Variants in MAST4 observed in about 807,000 individuals in gnomAD.
MAST4 encodes microtubule associated serine/threonine kinase family member 4.
In MAST4, 89 loss-of-function variants were observed where a neutral mutation model predicts 162.7. The observed-to-expected ratio is 0.55, with a 90% CI of 0.46 to 0.65. MAST4 has a LOEUF of 0.65. Ranked by LOEUF, MAST4 falls within the 30% of genes least tolerant of loss-of-function variation. The probability of loss-of-function intolerance (pLI) is 0.00; values close to 1 mark genes in which losing one functional copy is unlikely to be tolerated. For synonymous variants in MAST4, 1,479 were observed against 1,361.1 expected (o/e 1.09, Z -1.91); for missense variants, 3,153 against 3,374.0 (o/e 0.93, Z 1.62).
intron 3 of MAST4, among the ~76,000 whole-genome samples, chr5:66,831,454 T>C (rs1757590465): frequency 6.6e-6 from 1 of 152,226 alleles, no homozygotes. Flanking sequence ...TTTACAATAA[T>C]GTATTATGTG....
chr5:66,774,209 G>C (rs1029807001), intron 2 of MAST4, among the ~76,000 whole-genome samples: 2 of 152,236 alleles, frequency 1.3e-5, no homozygotes, highest in African/African-American at 4.8e-5. Flanking sequence ...AGATTGGTCT[G>C]ATAAATTTGA....
At chr5:66,987,769 A>T (rs1191648805) in intron 4 of MAST4, among the ~76,000 whole-genome samples, 2 of 152,194 alleles carry the variant, frequency 1.3e-5, no homozygotes, top group Non-Finnish European at 2.9e-5. Context: ...TCCTAGTTTT[A>T]GGGATGATTA....
At chr5:66,690,529 C>T (rs13164205) in intron 1 of MAST4, among the ~76,000 whole-genome samples, 16,829 of 152,198 alleles carry the variant, frequency 0.11, 1,017 homozygotes, top group Admixed American at 0.16. Context: ...AGATTTTCAA[C>T]TCCCTTTTCT....
chr5:66,938,753 C>T (rs1019802887), intron 4 of MAST4, among the ~76,000 whole-genome samples: 1 of 152,098 alleles, frequency 6.6e-6, no homozygotes, highest in African/African-American at 2.4e-5. Context: ...TCAGTAGGCA[C>T]AAGATTGGTT....
chr5:66,837,894 A>ATATATATT (rs1554057455), intron 3 of MAST4, among the ~76,000 whole-genome samples: 2 of 53,710 alleles, frequency 3.7e-5, no homozygotes, highest in African/African-American at 1.0e-4. Flanking sequence ...ATATATATAT[A>ATATATATT]TTTTTTTTTT....
chr5:66,679,767 ATGCTTTGCATATG>A (rs1435254600), intron 1 of MAST4, among the ~76,000 whole-genome samples: 3 of 151,788 alleles, frequency 2.0e-5, no homozygotes, highest in Admixed American at 2.0e-4. Flanking sequence ...CTGAGCATAT[ATGCTTTGCATATG>A]TCCTTCACAG....
intron 1 of MAST4, among the ~76,000 whole-genome samples, chr5:66,634,987 C>G (rs901314947): frequency 1.3e-5 from 2 of 152,222 alleles, no homozygotes; most frequent in African/African-American, 2.4e-5. Context: ...CTCTGGGATG[C>G]AGGTCCTGCC....
chr5:66,922,999 AGG>A (rs1372582641), intron 4 of MAST4, among the ~76,000 whole-genome samples: 9 of 152,318 alleles, frequency 5.9e-5, no homozygotes, highest in Non-Finnish European at 8.8e-5. Flanking sequence ...CACATTTGTT[AGG>A]GACACTGTGA....
chr5:67,090,099 T>C, intron 5 of MAST4, 63 bp from the exon 6 acceptor site: 1 of 1,105,112 alleles, frequency 9.0e-7, no homozygotes, highest in South Asian at 1.3e-5. Context: ...AAGGAGAGAA[T>C]TATTGATGTG....
At chr5:67,056,257 C>T (rs1758806940) in intron 5 of MAST4, among the ~76,000 whole-genome samples, 1 of 151,986 alleles carries the variant, frequency 6.6e-6, no homozygotes, top group Admixed American at 6.6e-5. Context: ...ACTTCTATTA[C>T]TACCATTTCT....
At position 67,163,838 on chromosome 5, in the gene MAST4, A is replaced by G. The variant is rs748706431; in HGVS notation, c.4659A>G (p.Lys1553=). The part of the protein sequence containing the change: ...GFPEKQESHQ[K]SHGPGSDLEN... Reference sequence around the variant, plus strand: ...CAGAGAAACAGGAATCCCACCAGAAATCCCATGGACCCGGGAGTGATTTGG... The same window carrying G: ...CAGAGAAACAGGAATCCCACCAGAAGTCCCATGGACCCGGGAGTGATTTGG... Residue 1553 remains lysine (K), a synonymous_variant, in exon 29 of 29, where the codon AAA becomes AAG. Coordinates refer to ENST00000403625, the MANE Select transcript of MAST4 (RefSeq NM_001164664.2). This position sits in a 1 kb window ranked among gnomAD's most constrained non-coding sequence, Gnocchi z 7.0. 5 of 1,613,706 alleles carry G rather than the reference A, an allele frequency of 3.1e-6. No individual in the cohort carries two copies. The South Asian group carries it at 5.5e-5, about 18-fold the overall frequency.
chr5:67,051,173 G>A (rs1758135658), intron 4 of MAST4, among the ~76,000 whole-genome samples: 1 of 144,826 alleles, frequency 6.9e-6, no homozygotes, highest in Non-Finnish European at 1.5e-5. Flanking sequence ...TTTCCCTTGG[G>A]TGACTTTGCT....
intron 3 of MAST4, among the ~76,000 whole-genome samples, chr5:66,872,870 T>C (rs2149878575): frequency 6.6e-6 from 1 of 152,348 alleles, no homozygotes; most frequent in African/African-American, 2.4e-5. Context: ...TTTTAAGGAC[T>C]CAGCTCAGCA....
chr5:66,808,939 T>A (rs555224524), intron 3 of MAST4, among the ~76,000 whole-genome samples: 1 of 152,186 alleles, frequency 6.6e-6, no homozygotes, highest in Non-Finnish European at 1.5e-5. Context: ...AGACTCTGAA[T>A]TGTAAGAAGC....
chr5:66,845,126 T>TATATATATATATATATATATACAC (rs1358855625), intron 3 of MAST4, among the ~76,000 whole-genome samples: 1 of 67,168 alleles, frequency 1.5e-5, no homozygotes, highest in Non-Finnish European at 2.8e-5. Context: ...TATATATATA[T>TATATATATATATATATATATACAC]ACACACACAC....
At chr5:66,819,317 CT>C (rs1328172634) in intron 3 of MAST4, among the ~76,000 whole-genome samples, 2 of 152,176 alleles carry the variant, frequency 1.3e-5, no homozygotes, top group African/African-American at 4.8e-5. Flanking sequence ...ACCTATTTGG[CT>C]GCTCAATATT....
chr5:67,029,834 T>C (rs1239621744), intron 4 of MAST4, among the ~76,000 whole-genome samples: 1 of 152,184 alleles, frequency 6.6e-6, no homozygotes, highest in Non-Finnish European at 1.5e-5. Context: ...TGCTGTTGAC[T>C]TTATAATTTG....
intron 11 of MAST4, 79 bp from the exon 12 acceptor site, chr5:67,114,008 T>G: frequency 6.5e-7 from 1 of 1,539,100 alleles, no homozygotes; most frequent in Admixed American, 1.8e-5. Context: ...AGCAGTTATA[T>G]TGTGAATGGG....
chr5:66,768,949 G>T (rs1475387838), intron 2 of MAST4, among the ~76,000 whole-genome samples: 1 of 152,094 alleles, frequency 6.6e-6, no homozygotes, highest in Non-Finnish European at 1.5e-5. Context: ...TCAGTGCATT[G>T]TGAGAGACCA....
Sources: allele counts gnomAD v4.1 joint callset (sites outside exome capture counted in the v4.1 genomes callset), GRCh38; gene constraint gnomAD v4.1.1; non-coding constraint Gnocchi (gnomAD v3.1); transcripts MANE v1.5; gene names NCBI Gene and HGNC (gene_info 2026-07-23, HGNC 2026-07-21).